The following COL20A1 variants were observed in gnomAD, a reference collection of about 807,000 sequenced individuals.
COL20A1 encodes the protein collagen type XX alpha 1 chain.
In COL20A1, 164 loss-of-function variants were observed where a neutral mutation model predicts 152.9. The observed-to-expected ratio is 1.07, with a 90% confidence interval of 0.94 to 1.22. The LOEUF (loss-of-function observed/expected upper bound fraction) is 1.22, where lower values mean the gene tolerates loss of function less well. Ranked by LOEUF, COL20A1 falls within the 50% of genes most tolerant of loss-of-function variation. The pLI, the probability that COL20A1 is intolerant of heterozygous loss-of-function variation, is 0.00. For missense variants in COL20A1, 1,873 were observed against 1,744.8 expected, an observed-to-expected ratio of 1.07 and a Z score of -1.31; for synonymous variants, 864 against 756.0, an observed-to-expected ratio of 1.14 and a Z score of -2.34.
At chr20:63,294,964 C>G (rs2067767697) in intron 1 of COL20A1, 134 bp from the exon 2 acceptor site, 2 of 614,638 alleles carry the variant, frequency 3.3e-6, no homozygotes, top group Non-Finnish European at 5.8e-6. Context: ...CTGGTCCTCA[C>G]ACATGTGAGG....
intron 10 of COL20A1, among the ~76,000 whole-genome samples, 192 bp from the exon 11 acceptor site, chr20:63,310,189 T>C (rs949650300): frequency 9.2e-5 from 14 of 151,708 alleles, no homozygotes; most frequent in Non-Finnish European, 2.1e-4. Context: ...CTCCCTTTGA[T>C]TGATCGATCG....
At chr20:63,320,634 G>GA (rs1484616488) in intron 25 of COL20A1, among the ~76,000 whole-genome samples, 4 of 152,208 alleles carry the variant, frequency 2.6e-5, no homozygotes, top group Non-Finnish European at 5.9e-5. Flanking sequence ...AGGTGCAGAT[G>GA]AGTCAGGAAG....
In COL20A1 at chr20:63,311,764, C is replaced by A; in HGVS notation, c.1663+16C>A. 1 of 1,583,110 alleles carries A rather than the reference C, an allele frequency of 6.3e-7. No individual in the cohort carries two copies. The highest frequency in any genetic ancestry group is 2.3e-5 in the East Asian group (1 of 43,910). ...GCCAGGACCCGTGAGTGCTCCAACC[C>A]CGGCTGCCTGCCCACAGGCGGGTGC... On this transcript the variant is annotated intron_variant, in intron 13 of 35. Transcript: ENST00000358894. This position sits in a 1 kb window ranked among gnomAD's most constrained non-coding sequence, Gnocchi z 4.4.
In COL20A1 at chr20:63,305,800, C is replaced by T. The variant is rs2067917000; in HGVS notation, c.338-81C>T. On this transcript the variant is annotated intron_variant, in intron 4 of 35. Transcript: ENST00000358894. The surrounding 1 kb of genome is among the most constrained non-coding windows in gnomAD (Gnocchi z 4.9). ...GGCCCTCAGCACCCACAGATGCGCC[C>T]TTGAAGGGGTGTATGTGCAGCTGCC... 2.1e-6 allele frequency: 3 copies of T among 1,436,782 alleles called. No homozygotes were observed. Among genetic ancestry groups the T allele is most frequent in the Non-Finnish European group, 2.9e-6 (3 of 1,030,748 alleles). 89.0% of individuals were successfully genotyped at this position (1,436,782 alleles called of 1,614,324 possible). A position where few individuals can be genotyped will look rare whatever the true frequency, so the allele number is the denominator to read the frequency against.
Position 63,316,637 on chromosome 20 carries a change from G to A in COL20A1, c.2609G>A (p.Gly870Asp). 6.3e-7 allele frequency: 1 copy of A among 1,578,464 alleles called. No individual in the cohort carries two copies. The highest frequency in any genetic ancestry group is 2.3e-5 in the East Asian group (1 of 43,110). ...GTGGCCATGGAGCCCTCTGCCTTCG[G>A]TGGGACCCCGACCTTCACGCTCTTC... ...RGVAMEPSAF[G>D]GTPTFTLFKD... Residue 870 changes from glycine to aspartate, a missense_variant, in exon 21 of 36, where the codon GGT (glycine) becomes GAT (aspartate). By Grantham distance (94) the Gly-to-Asp change is moderately conservative (BLOSUM62 -1). Transcript: ENST00000358894.
chr20:63,325,345 G>T (rs556360657), intron 27 of COL20A1, 96 bp from the exon 28 acceptor site: 1 of 944,682 alleles, frequency 1.1e-6, no homozygotes, highest in Non-Finnish European at 1.7e-6. Context: ...ACCCAGGGCC[G>T]TGCAGTCCAG....
In COL20A1 at chr20:63,306,074, G is replaced by T. The variant is rs767268933; in HGVS notation, c.496+35G>T. ...AGTGGAGAGAGAGTAAGTCTCCGGG[G>T]AGGGAGTGACCTTTGGTTTCCCACA... On this transcript the variant is annotated intron_variant, in intron 5 of 35. Coordinates refer to ENST00000358894, the MANE Select transcript of COL20A1 (RefSeq NM_020882.4). This position sits in a 1 kb window ranked among gnomAD's most constrained non-coding sequence, Gnocchi z 6.9. The T allele has an allele frequency of 1.3e-6, 2 of 1,542,918 alleles. No homozygotes were observed. The highest frequency in any genetic ancestry group is 1.8e-6 in the Non-Finnish European group (2 of 1,142,468).
intron 2 of COL20A1, among the ~76,000 whole-genome samples, chr20:63,297,551 G>T (rs1282256035): frequency 6.6e-6 from 1 of 152,206 alleles, no homozygotes; most frequent in African/African-American, 2.4e-5. Context: ...CAGTGGGGTG[G>T]TTGCTGTCCT....
chr20:63,319,598 T>A lies in COL20A1; in HGVS notation c.2916+2T>A. ...ATTTTCTTCGGGAGCTTCCACAAGG[T>A]CCTGGTGCAGCTCGCGCCCCTCTCC... On this transcript the variant is annotated splice_donor_variant, in intron 23 of 35. Transcript: ENST00000358894. LOFTEE classifies it high-confidence loss of function. The surrounding 1 kb of genome is among the most constrained non-coding windows in gnomAD (Gnocchi z 4.4). The A allele has an allele frequency of 6.4e-7, 1 of 1,566,702 alleles. No individual in the cohort carries two copies. Among genetic ancestry groups the A allele is most frequent in the Non-Finnish European group, 8.7e-7 (1 of 1,155,382 alleles).
At chr20:63,326,528 G>A (rs954803710) in intron 30 of COL20A1, among the ~76,000 whole-genome samples, 8 of 140,144 alleles carry the variant, frequency 5.7e-5, no homozygotes, top group African/African-American at 9.9e-5. Flanking sequence ...TTAGAGCAGC[G>A]TGCTGACAGT....
In COL20A1 at chr20:63,310,480, G is replaced by C; in HGVS notation, c.1363G>C (p.Gly455Arg). Residue 455 changes from glycine to arginine, a missense_variant, in exon 11 of 36, where the codon GGC (glycine) becomes CGC (arginine). Gly to Arg is a moderately radical substitution (Grantham distance 125, BLOSUM62 -2). Transcript: ENST00000358894. Reference sequence around the variant, plus strand: ...GTTCCCCATCTATGAGGGCGGGGTTGGCGAAGGCCTGCGGGGCCTGGTGAC... The same window carrying C: ...GTTCCCCATCTATGAGGGCGGGGTTCGCGAAGGCCTGCGGGGCCTGGTGAC... Reference protein sequence around the residue: ...SVFPIYEGGVGEGLRGLVTTA... With the variant: ...SVFPIYEGGVREGLRGLVTTA... The C allele has an allele frequency of 6.2e-7, 1 of 1,606,116 alleles. No individual in the cohort carries two copies. Among genetic ancestry groups the C allele is most frequent in the Non-Finnish European group, 8.5e-7 (1 of 1,176,974 alleles).
At chr20:63,312,729 C>T (rs921682788) in intron 15 of COL20A1, 63 bp from the exon 16 acceptor site, 32 of 1,483,290 alleles carry the variant, frequency 2.2e-5, no homozygotes, top group East Asian at 4.9e-5. Context: ...GTGTGGCTGC[C>T]CCTCCTCTGA....
intron 27 of COL20A1, among the ~76,000 whole-genome samples, chr20:63,323,178 G>A (rs2068192155): frequency 6.6e-6 from 1 of 152,260 alleles, no homozygotes; most frequent in Non-Finnish European, 1.5e-5. Flanking sequence ...TTTTCTTGCT[G>A]GAGATGTCCT....
In COL20A1 at chr20:63,322,211, G is replaced by A. The variant is rs549907688; in HGVS notation, c.3294+100G>A. 331 of 1,002,992 alleles carry A rather than the reference G, an allele frequency of 3.3e-4. 4 individuals are homozygous for A. In the South Asian group the frequency reaches 5.4e-3, roughly 16 times the overall value. The allele number at this position is 1,002,992 out of a possible 1,614,324, so 62.1% of individuals were successfully genotyped here. The stretch of plus-strand genomic sequence containing the variant: ...TTCCTGAGAGTGCAGGGAGCTGCAC[G>A]CAGCTTCCCTAGGCAGGGTGGGGTC... On this transcript the variant is annotated intron_variant, in intron 27 of 35. Transcript: ENST00000358894.
In COL20A1 at chr20:63,311,622, C is replaced by T. The variant is rs566658470; in HGVS notation, c.1540-3C>T. 69 of 1,609,828 alleles carry T rather than the reference C, an allele frequency of 4.3e-5. No individual in the cohort carries two copies. Among genetic ancestry groups the T allele is most frequent in the Non-Finnish European group, 5.5e-5 (65 of 1,179,594 alleles). On this transcript the variant is annotated splice_polypyrimidine_tract_variant and splice_region_variant and intron_variant, in intron 12 of 35. Transcript: ENST00000358894. This position sits in a 1 kb window ranked among gnomAD's most constrained non-coding sequence, Gnocchi z 4.4. ...GCTGGCCTGGGACGTCATGTCTCTG[C>T]AGGTGCAGGTCGGGCGGCCCGAGGT... is the stretch of plus-strand genomic sequence containing the variant.
rs895589788 is a variant in COL20A1 at position 63,305,053 on chromosome 20, C to T, written c.194-364C>T. Reference sequence around the variant, plus strand: ...CTGTGGGAGTGGGCAGGGCCCTGGCCCCGGACTCTTCCTTCTTGGACCTGG... The same window carrying T: ...CTGTGGGAGTGGGCAGGGCCCTGGCTCCGGACTCTTCCTTCTTGGACCTGG... On this transcript the variant is annotated intron_variant, in intron 3 of 35. Transcript: ENST00000358894. The surrounding 1 kb of genome is among the most constrained non-coding windows in gnomAD (Gnocchi z 4.9). Among the ~76,000 whole-genome samples, 2 of 152,148 alleles carry T rather than the reference C, an allele frequency of 1.3e-5. No individual in the cohort carries two copies. The highest frequency in any genetic ancestry group is 3.9e-4 in the East Asian group (2 of 5,192).
chr20:63,298,018 C>T lies in COL20A1; in HGVS notation c.191C>T (p.Ala64Val). The T allele has an allele frequency of 6.2e-7, 1 of 1,605,216 alleles. No homozygotes were observed. Among genetic ancestry groups the T allele is most frequent in the Non-Finnish European group, 8.5e-7 (1 of 1,174,970 alleles). ...TACCTGGTGCAGGTGAAGCCCATGGCAGGTGAGGACCTGCCCCTCCCAGGC... is the reference window on the plus strand; with the variant it reads ...TACCTGGTGCAGGTGAAGCCCATGGTAGGTGAGGACCTGCCCCTCCCAGGC... ...LGYLVQVKPM[A>V]GDSEQEVILT... The change falls in exon 3 of 36, where the codon GCA becomes GTA. Residue 64 changes from alanine to valine, a missense_variant and splice_region_variant. Coordinates refer to ENST00000358894, the MANE Select transcript of COL20A1 (RefSeq NM_020882.4).
At chr20:63,300,679 G>T (rs2067853120) in intron 3 of COL20A1, among the ~76,000 whole-genome samples, 1 of 151,988 alleles carries the variant, frequency 6.6e-6, no homozygotes, top group South Asian at 2.1e-4. Flanking sequence ...ATTTTTTATT[G>T]TTGTTTCTAT....
chr20:63,316,018 G>A (rs1028548409), intron 20 of COL20A1, among the ~76,000 whole-genome samples: 3 of 152,204 alleles, frequency 2.0e-5, no homozygotes, highest in African/African-American at 4.8e-5. Context: ...GGCTCTGCGC[G>A]GTGGGGCTCG....
Sources: allele counts gnomAD v4.1 joint callset (sites outside exome capture counted in the v4.1 genomes callset), GRCh38; gene constraint gnomAD v4.1.1; non-coding constraint Gnocchi (gnomAD v3.1); transcripts MANE v1.5; gene names NCBI Gene and HGNC (gene_info 2026-07-23, HGNC 2026-07-21).